ASCC1: variants seen among roughly 807,000 people sequenced by gnomAD.
ASCC1 encodes ASC-1 complex subunit P50.
Under a neutral mutation model 46.6 loss-of-function variants are expected in ASCC1, and 35 were observed. The observed-to-expected ratio is 0.75, with a 90% CI of 0.57 to 0.99. ASCC1 has a LOEUF of 0.99. Among genes scored for constraint, ASCC1 ranks in the 50% least tolerant of loss-of-function variants. The probability of loss-of-function intolerance (pLI) is 0.00; values close to 1 mark genes in which losing one functional copy is unlikely to be tolerated. For missense variants in ASCC1, 376 were observed against 428.7 expected, an observed-to-expected ratio of 0.88 and a Z score of 1.09; for synonymous variants, 143 against 146.6, an observed-to-expected ratio of 0.98 and a Z score of 0.18.
chr10:72,119,237 G>A (rs1350211630), intron 9 of ASCC1, among the ~76,000 whole-genome samples: 1 of 152,240 alleles, frequency 6.6e-6, no homozygotes, highest in Non-Finnish European at 1.5e-5. Context: ...TCCAGCAGGG[G>A]GAGGAATAAA....
chr10:72,209,502 G>T (rs1174027554), intron 3 of ASCC1, among the ~76,000 whole-genome samples: 1 of 152,054 alleles, frequency 6.6e-6, no homozygotes, highest in African/African-American at 2.4e-5. Flanking sequence ...AATAAAAATA[G>T]GCTGGGTGCA....
chr10:72,176,534 A>G (rs113979286), intron 5 of ASCC1, among the ~76,000 whole-genome samples: 3,680 of 151,936 alleles, frequency 0.024, 174 homozygotes, highest in African/African-American at 0.085. Context: ...TTGTGGACAC[A>G]GAGTTTCACT....
intron 9 of ASCC1, among the ~76,000 whole-genome samples, chr10:72,117,457 A>G (rs952113026): frequency 2.0e-5 from 3 of 152,164 alleles, no homozygotes; most frequent in Admixed American, 2.0e-4. Context: ...TAGAACACTA[A>G]TGTTAATTTT....
At chr10:72,162,078 C>T (rs1849758800) in intron 5 of ASCC1, among the ~76,000 whole-genome samples, 1 of 151,880 alleles carries the variant, frequency 6.6e-6, no homozygotes, top group Non-Finnish European at 1.5e-5. Context: ...GAAATATTTG[C>T]AAGTAATTTA....
intron 9 of ASCC1, among the ~76,000 whole-genome samples, chr10:72,118,895 T>C (rs1215500227): frequency 2.6e-5 from 4 of 152,230 alleles, no homozygotes; most frequent in Non-Finnish European, 5.9e-5. Context: ...GTTTCCAGTC[T>C]AGCATTAAGG....
intron 7 of ASCC1, chr10:72,134,584 A>T (rs1426771530): frequency 2.6e-5 from 4 of 152,152 alleles, no homozygotes; most frequent in Non-Finnish European, 4.4e-5. Context: ...CTTTCTATAG[A>T]TTTTCTCCAG....
intron 5 of ASCC1, among the ~76,000 whole-genome samples, chr10:72,173,711 C>T (rs181199279): frequency 1.3e-4 from 20 of 152,250 alleles, no homozygotes; most frequent in Admixed American, 5.9e-4. Flanking sequence ...TTCAAGGCAA[C>T]GGCATAAATC....
chr10:72,134,203 G>A (rs1400284404), intron 7 of ASCC1: 2 of 152,224 alleles, frequency 1.3e-5, no homozygotes, highest in Non-Finnish European at 2.9e-5. Context: ...GGCCAAAGAG[G>A]GAAGATCACT....
chr10:72,121,513 T>G (rs1844198284), intron 9 of ASCC1, among the ~76,000 whole-genome samples: 1 of 140,982 alleles, frequency 7.1e-6, no homozygotes, highest in South Asian at 2.2e-4. Flanking sequence ...CATAGATGGG[T>G]TCTTAAAAAA....
At chr10:72,162,148 G>T (rs757214515) in intron 5 of ASCC1, among the ~76,000 whole-genome samples, 3 of 151,946 alleles carry the variant, frequency 2.0e-5, no homozygotes, top group African/African-American at 2.4e-5. Flanking sequence ...ACAACGAAAA[G>T]AAATCTAATA....
chr10:72,172,861 T>TTA (rs1218390198), intron 5 of ASCC1, among the ~76,000 whole-genome samples: 2 of 125,004 alleles, frequency 1.6e-5, no homozygotes, highest in Non-Finnish European at 3.3e-5. Context: ...TATTTTTATA[T>TTA]TATATATATT....
chr10:72,112,031 A>T (rs889044484), intron 9 of ASCC1, among the ~76,000 whole-genome samples: 1 of 152,150 alleles, frequency 6.6e-6, no homozygotes, highest in Admixed American at 6.5e-5. Context: ...GTGTCCTCTA[A>T]CATTTGGAAT....
At chr10:72,132,284 C>T (rs1307102866) in intron 8 of ASCC1, among the ~76,000 whole-genome samples, 1 of 152,128 alleles carries the variant, frequency 6.6e-6, no homozygotes, top group African/African-American at 2.4e-5. Context: ...GGAAGAGCTG[C>T]ATATGGCTTG....
intron 6 of ASCC1, among the ~76,000 whole-genome samples, chr10:72,156,201 GC>G (rs1329637145): frequency 6.6e-6 from 1 of 152,084 alleles, no homozygotes; most frequent in Admixed American, 6.5e-5. Context: ...AAAGTGTGTG[GC>G]ACCTCCCCTG....
At position 72,108,207 on chromosome 10, in the gene ASCC1, G is replaced by A. The variant is rs548091146; in HGVS notation, c.958-10757C>T. On this transcript the variant is annotated intron_variant, in intron 9 of 9. Coordinates refer to ENST00000672957, the MANE Select transcript of ASCC1 (RefSeq NM_001198800.3). ...TCCTCCCTCCTCAGTCTCCTGAGTAGCTGAGACTACAGGTGCATGCCACCA... is the reference window on the plus strand; with the variant it reads ...TCCTCCCTCCTCAGTCTCCTGAGTAACTGAGACTACAGGTGCATGCCACCA... 1.3e-4 allele frequency among the ~76,000 whole-genome samples: 20 copies of A among 151,586 alleles called. 1 individual carries two copies. The highest frequency in any genetic ancestry group is 4.6e-4 in the Admixed American group (7 of 15,206).
intron 8 of ASCC1, among the ~76,000 whole-genome samples, chr10:72,128,391 C>T (rs141090545): frequency 1.3e-5 from 2 of 152,228 alleles, no homozygotes; most frequent in East Asian, 3.9e-4. Flanking sequence ...TCTATTCATT[C>T]GACATTCTCC....
intron 5 of ASCC1, among the ~76,000 whole-genome samples, chr10:72,196,361 C>G (rs1564738576): frequency 6.6e-6 from 1 of 151,814 alleles, no homozygotes; most frequent in African/African-American, 2.4e-5. Flanking sequence ...TCACTGCAAC[C>G]CCCATCTCCC....
At chr10:72,147,265 T>G (rs1847750316) in intron 7 of ASCC1, among the ~76,000 whole-genome samples, 1 of 151,976 alleles carries the variant, frequency 6.6e-6, no homozygotes, top group South Asian at 2.1e-4. Flanking sequence ...CACCTTTTAT[T>G]TTTTTTGTGA....
chr10:72,109,602 T>A (rs1057364072), intron 9 of ASCC1, among the ~76,000 whole-genome samples: 4 of 152,198 alleles, frequency 2.6e-5, no homozygotes, highest in Non-Finnish European at 2.9e-5. Flanking sequence ...GAATTTGGCC[T>A]GAGGCTCACT....
Sources: allele counts gnomAD v4.1 joint callset (sites outside exome capture counted in the v4.1 genomes callset), GRCh38; gene constraint gnomAD v4.1.1; transcripts MANE v1.5; gene names NCBI Gene and HGNC (gene_info 2026-07-23, HGNC 2026-07-21).